NKAIN3: variants seen among roughly 807,000 people sequenced by gnomAD.
NKAIN3 encodes sodium/potassium transporting ATPase interacting 3, also known as sodium/potassium-transporting ATPase subunit beta-1-interacting protein 3.
Under a neutral mutation model 30.2 loss-of-function variants are expected in NKAIN3, and 25 were observed. The ratio of observed to expected loss-of-function variants is 0.83; its 90% CI spans 0.60 to 1.16. The LOEUF is 1.16. Ranked by LOEUF, NKAIN3 falls within the 50% of genes most tolerant of loss-of-function variation. NKAIN3 has a pLI of 0.00. For synonymous variants in NKAIN3, 91 were observed against 89.6 expected, an observed-to-expected ratio of 1.02 and a Z score of -0.09; for missense variants, 225 against 254.1, an observed-to-expected ratio of 0.89 and a Z score of 0.78.
At chr8:62,256,872 C>A (rs1223284233) in intron 1 of NKAIN3, among the ~76,000 whole-genome samples, 2 of 152,166 alleles carry the variant, frequency 1.3e-5, no homozygotes, top group Admixed American at 1.3e-4. Flanking sequence ...TTCAACATTC[C>A]TTCTAGAGGA....
At chr8:62,800,316 C>G (rs952083226) in intron 4 of NKAIN3, among the ~76,000 whole-genome samples, 11 of 152,264 alleles carry the variant, frequency 7.2e-5, no homozygotes, top group African/African-American at 2.6e-4. Context: ...AATTATTACT[C>G]GTGGAGGGGT....
chr8:62,539,090 C>T (rs748805629), intron 1 of NKAIN3, among the ~76,000 whole-genome samples: 2 of 152,146 alleles, frequency 1.3e-5, no homozygotes, highest in Non-Finnish European at 2.9e-5. Flanking sequence ...ACTTTGAATC[C>T]TGATACACTA....
intron 1 of NKAIN3, among the ~76,000 whole-genome samples, chr8:62,445,083 C>G (rs1278987606): frequency 6.6e-6 from 1 of 151,970 alleles, no homozygotes; most frequent in Non-Finnish European, 1.5e-5. Context: ...GTAGCTAGGA[C>G]TACAGGCATG....
rs940544238 is a variant in NKAIN3 at position 62,983,436 on chromosome 8, T to G, written c.*18029T>G. 6.6e-6 allele frequency: 1 copy of G among 152,140 alleles called. No individual in the cohort carries two copies. The highest frequency in any genetic ancestry group is 1.5e-5 in the Non-Finnish European group (1 of 68,028). The allele number at this position is 152,140 out of a possible 1,614,324, so 9.4% of individuals were successfully genotyped here. A position where few individuals can be genotyped will look rare whatever the true frequency, so the allele number is the denominator to read the frequency against. On this transcript the variant is annotated 3_prime_UTR_variant, in exon 7 of 7. Coordinates refer to ENST00000623646, the MANE Select transcript of NKAIN3 (RefSeq NM_001304533.3). ...GAAGGAGAGCCCATTTGCAACCCTC[T>G]TCTGTCTCCCTAAGCATTCAACAAA... is the stretch of plus-strand genomic sequence containing the variant.
At chr8:62,376,476 C>T (rs1817087778) in intron 1 of NKAIN3, among the ~76,000 whole-genome samples, 1 of 152,180 alleles carries the variant, frequency 6.6e-6, no homozygotes, top group Admixed American at 6.5e-5. Context: ...TACTAAAATT[C>T]CCACCTTTGA....
At chr8:62,747,364 T>C (rs1275614986) in intron 4 of NKAIN3, among the ~76,000 whole-genome samples, 1 of 152,176 alleles carries the variant, frequency 6.6e-6, no homozygotes, top group Non-Finnish European at 1.5e-5. Context: ...TAACTTAAGA[T>C]ACAGTCCACA....
chr8:62,681,248 A>G (rs1173017937), intron 3 of NKAIN3, among the ~76,000 whole-genome samples: 2 of 152,228 alleles, frequency 1.3e-5, no homozygotes, highest in African/African-American at 2.4e-5. Context: ...GTGTTATTAA[A>G]TGATGCCTTA....
At chr8:62,427,853 T>A (rs920047706) in intron 1 of NKAIN3, among the ~76,000 whole-genome samples, 1 of 151,976 alleles carries the variant, frequency 6.6e-6, no homozygotes, top group African/African-American at 2.4e-5. Context: ...AAACATTACA[T>A]ATTTTCTCTT....
At chr8:62,643,130 A>G (rs1438036654) in intron 3 of NKAIN3, among the ~76,000 whole-genome samples, 1 of 152,158 alleles carries the variant, frequency 6.6e-6, no homozygotes, top group Non-Finnish European at 1.5e-5. Flanking sequence ...TAATAAAATA[A>G]TGTAACCACA....
intron 3 of NKAIN3, among the ~76,000 whole-genome samples, chr8:62,712,818 C>A (rs1814765120): frequency 6.6e-6 from 1 of 152,170 alleles, no homozygotes; most frequent in Non-Finnish European, 1.5e-5. Context: ...TTACTCCCTG[C>A]TTCCCTGGCC....
intron 4 of NKAIN3, among the ~76,000 whole-genome samples, chr8:62,759,416 T>A (rs1015967448): frequency 6.6e-6 from 1 of 152,182 alleles, no homozygotes; most frequent in African/African-American, 2.4e-5. Flanking sequence ...CTAAGTAAGA[T>A]GAATTATGTA....
At chr8:62,904,301 G>C (rs918416422) in intron 4 of NKAIN3, among the ~76,000 whole-genome samples, 1 of 152,164 alleles carries the variant, frequency 6.6e-6, no homozygotes, top group Non-Finnish European at 1.5e-5. Context: ...GAAGGAAGCA[G>C]TATGCATTCT....
rs184339751 is a variant in NKAIN3, at chr8:62,948,985, G to A, written c.533-4917G>A. Among the ~76,000 whole-genome samples, 312 of 152,334 alleles carry A rather than the reference G, an allele frequency of 2.0e-3. No homozygotes were observed. The Middle Eastern group carries it at 0.031, about 15-fold the overall frequency. Reference sequence around the variant, plus strand: ...ATTCTGGATTTACCATAAGCAGCAAGCATTTCCATAAGAGAAGGGAAACAT... The same window carrying A: ...ATTCTGGATTTACCATAAGCAGCAAACATTTCCATAAGAGAAGGGAAACAT... On this transcript the variant is annotated intron_variant, in intron 5 of 6. Coordinates refer to ENST00000623646, the MANE Select transcript of NKAIN3 (RefSeq NM_001304533.3).
At chr8:62,619,098 G>A (rs995862496) in intron 3 of NKAIN3, among the ~76,000 whole-genome samples, 1 of 152,124 alleles carries the variant, frequency 6.6e-6, no homozygotes, top group Non-Finnish European at 1.5e-5. Context: ...CCAGTGCAGT[G>A]TAACAGGTGA....
chr8:62,614,469 G>C (rs1811387970), intron 3 of NKAIN3, among the ~76,000 whole-genome samples: 1 of 152,072 alleles, frequency 6.6e-6, no homozygotes, highest in Admixed American at 6.6e-5. Context: ...ACACAGCACT[G>C]GGTCTCACTC....
intron 1 of NKAIN3, among the ~76,000 whole-genome samples, chr8:62,541,976 G>A (rs1329869286): frequency 2.6e-5 from 4 of 152,142 alleles, no homozygotes; most frequent in African/African-American, 9.7e-5. Context: ...CCATTCATGT[G>A]AGTGGGGCTT....
chr8:62,651,993 A>G (rs750812937), intron 3 of NKAIN3, among the ~76,000 whole-genome samples: 1 of 152,154 alleles, frequency 6.6e-6, no homozygotes, highest in African/African-American at 2.4e-5. Context: ...CCTCTTTTTC[A>G]TTATAAATTA....
At chr8:62,918,567 C>G (rs1822177873) in intron 5 of NKAIN3, 54 bp downstream of exon 5, 1 of 1,176,054 alleles carries the variant, frequency 8.5e-7, no homozygotes, top group Non-Finnish European at 1.3e-6. Context: ...GATACAGCTT[C>G]CAAAACTAAT....
chr8:62,833,454 A>T (rs1356404725), intron 4 of NKAIN3, among the ~76,000 whole-genome samples: 1 of 152,024 alleles, frequency 6.6e-6, no homozygotes, highest in Non-Finnish European at 1.5e-5. Flanking sequence ...AAAAAGAAAG[A>T]AGGTCCTAAC....
Sources: allele counts gnomAD v4.1 joint callset (sites outside exome capture counted in the v4.1 genomes callset), GRCh38; gene constraint gnomAD v4.1.1; transcripts MANE v1.5; gene names NCBI Gene and HGNC (gene_info 2026-07-23, HGNC 2026-07-21).